Variants in SMARCA2 observed in about 807,000 individuals in gnomAD.
SMARCA2 encodes SWI/SNF-related matrix-associated actin-dependent regulator of chromatin subfamily A member 2.
SMARCA2 carries 61 observed loss-of-function variants against 199.8 expected under a neutral mutation model. The observed-to-expected ratio is 0.31, with a 90% CI of 0.25 to 0.38. The LOEUF is 0.38. Ranked by LOEUF, SMARCA2 falls within the 10% of genes least tolerant of loss-of-function variation. The probability of loss-of-function intolerance (pLI) is 1.00; values close to 1 mark genes in which losing one functional copy is unlikely to be tolerated. For synonymous variants in SMARCA2, 935 were observed against 732.0 expected (o/e 1.28, Z -4.48); for missense variants, 1,344 against 2,012.2 (o/e 0.67, Z 6.35).
At chr9:2,167,650 A>G (rs1251260380) in intron 28 of SMARCA2, among the ~76,000 whole-genome samples, 2 of 152,330 alleles carry the variant, frequency 1.3e-5, no homozygotes, top group East Asian at 3.9e-4. Flanking sequence ...TCTTGCCCCT[A>G]AATTTAATAA....
chr9:2,097,256 A>G, intron 20 of SMARCA2, 129 bp from the exon 21 acceptor site: 2 of 592,528 alleles, frequency 3.4e-6, no homozygotes, highest in East Asian at 5.5e-5. Flanking sequence ...GCTTTGAACC[A>G]CAAGGTGTGT....
At chr9:2,176,334 C>G (rs953009738) in intron 29 of SMARCA2, among the ~76,000 whole-genome samples, 5 of 152,032 alleles carry the variant, frequency 3.3e-5, no homozygotes, top group African/African-American at 1.2e-4. Context: ...GTAATCCTGT[C>G]ATGAACATCT....
chr9:2,035,410 G>C (rs925208451), intron 3 of SMARCA2, among the ~76,000 whole-genome samples: 9 of 152,192 alleles, frequency 5.9e-5, no homozygotes, highest in African/African-American at 1.9e-4. Context: ...GAAGCCAGGT[G>C]CTTACTTTTT....
At chr9:2,159,161 C>T (rs1171443014) in intron 27 of SMARCA2, among the ~76,000 whole-genome samples, 1 of 152,182 alleles carries the variant, frequency 6.6e-6, no homozygotes, top group Non-Finnish European at 1.5e-5. Flanking sequence ...TATGCTTTTT[C>T]CCTCTTTTCA....
In SMARCA2 at chr9:2,170,540, A is replaced by G; in HGVS notation, c.4253+68A>G. The stretch of plus-strand genomic sequence containing the variant: ...TCCCTCGTTACGTGAAACAGATTGA[A>G]TCATATAATCGGCCTTTGGAAGCAA... On this transcript the variant is annotated intron_variant, in intron 29 of 33. Transcript: ENST00000349721. The surrounding 1 kb of genome is among the most constrained non-coding windows in gnomAD (Gnocchi z 4.7). The G allele has an allele frequency of 3.7e-6, 6 of 1,611,464 alleles. No individual in the cohort carries two copies. The highest frequency in any genetic ancestry group is 5.1e-6 in the Non-Finnish European group (6 of 1,178,424).
chr9:2,039,797 GCAGCAGCAGCAGCAGCAGCAA>G lies in SMARCA2; in HGVS notation c.695_715del (p.Gln232_Gln238del), dbSNP rs774133062. On this transcript the variant is annotated inframe_deletion, in exon 4 of 34. Transcript: ENST00000349721. This position sits in a 1 kb window ranked among gnomAD's most constrained non-coding sequence, Gnocchi z 4.8. ...AGCAACAGCAGCAGCAGCAGCAGCA[GCAGCAGCAGCAGCAGCAGCAA>G]CAGCAGCCGCAGCAGCAGCCGCCGC... 6.9e-6 allele frequency: 11 copies of G among 1,602,154 alleles called. No homozygotes were observed. Among genetic ancestry groups the G allele is most frequent in the South Asian group, 1.1e-5 (1 of 90,276 alleles).
In SMARCA2 at chr9:2,104,297, G is replaced by C; in HGVS notation, c.3292+128G>C. On this transcript the variant is annotated intron_variant, in intron 23 of 33. Coordinates refer to ENST00000349721, the MANE Select transcript of SMARCA2 (RefSeq NM_003070.5). This position sits in a 1 kb window ranked among gnomAD's most constrained non-coding sequence, Gnocchi z 4.0. ...GAATTGACTAGAAGCATTGGGAGCAGTTTTTCTAGATAGCAATTTTTTGCA... is the reference window on the plus strand; with the variant it reads ...GAATTGACTAGAAGCATTGGGAGCACTTTTTCTAGATAGCAATTTTTTGCA... 1 of 840,440 alleles carries C rather than the reference G, an allele frequency of 1.2e-6. No homozygotes were observed. The highest frequency in any genetic ancestry group is 1.8e-6 in the Non-Finnish European group (1 of 554,216). 52.1% of individuals were successfully genotyped at this position (840,440 alleles called of 1,614,324 possible).
At position 2,096,551 on chromosome 9, in the gene SMARCA2, G is replaced by A. The variant is rs186498068; in HGVS notation, c.2884-106G>A. The stretch of plus-strand genomic sequence containing the variant: ...ACTCCGTGAATCCAAGAAAGAGAAA[G>A]AGAGACACCTTTGTGCTTCCAGGAG... On this transcript the variant is annotated intron_variant, in intron 19 of 33. Coordinates refer to ENST00000349721, the MANE Select transcript of SMARCA2 (RefSeq NM_003070.5). 319 of 723,026 alleles carry A rather than the reference G, an allele frequency of 4.4e-4. 3 individuals are homozygous for A. Among genetic ancestry groups the A allele is most frequent in the South Asian group, 4.0e-3 (255 of 63,108 alleles). 44.8% of individuals were successfully genotyped at this position (723,026 alleles called of 1,614,324 possible). A position where few individuals can be genotyped will look rare whatever the true frequency, so the allele number is the denominator to read the frequency against.
intron 27 of SMARCA2, among the ~76,000 whole-genome samples, chr9:2,149,098 TGG>T: frequency 6.6e-6 from 1 of 151,074 alleles, no homozygotes; most frequent in African/African-American, 2.4e-5. Context: ...TACCTGAGAC[TGG>T]GAAGAAAAGG....
intron 31 of SMARCA2, among the ~76,000 whole-genome samples, chr9:2,184,618 G>A (rs1356923522): frequency 6.6e-6 from 1 of 152,008 alleles, no homozygotes; most frequent in African/African-American, 2.4e-5. Context: ...CTCCTAAAGT[G>A]CTAGGATTAC....
Position 2,169,297 on chromosome 9 carries a change from C to T in SMARCA2, c.4200-1122C>T, listed in dbSNP as rs1056932656. Among the ~76,000 whole-genome samples the T allele has an allele frequency of 6.6e-6, 1 of 152,136 alleles. No homozygotes were observed. Among genetic ancestry groups the T allele is most frequent in the African/African-American group, 2.4e-5 (1 of 41,418 alleles). On this transcript the variant is annotated intron_variant, in intron 28 of 33. Coordinates refer to ENST00000349721, the MANE Select transcript of SMARCA2 (RefSeq NM_003070.5). This position sits in a 1 kb window ranked among gnomAD's most constrained non-coding sequence, Gnocchi z 6.5. ...CTTCTTTCTGAGGCACCTAACTTGT[C>T]ATTTCATATTGTAACTTTAGAACTC...
At chr9:2,020,311 G>A (rs932843942) in intron 1 of SMARCA2, among the ~76,000 whole-genome samples, 3 of 152,026 alleles carry the variant, frequency 2.0e-5, no homozygotes, top group Non-Finnish European at 4.4e-5. Context: ...GCCAATAGAG[G>A]ATGTGAATTT....
In SMARCA2 at chr9:2,115,326, A is replaced by G. The variant is rs1325733352; in HGVS notation, c.3457-496A>G. Among the ~76,000 whole-genome samples, 1 of 152,156 alleles carries G rather than the reference A, an allele frequency of 6.6e-6. No homozygotes were observed. Among genetic ancestry groups the G allele is most frequent in the Non-Finnish European group, 1.5e-5 (1 of 68,024 alleles). On this transcript the variant is annotated intron_variant, in intron 24 of 33. Transcript: ENST00000349721. The surrounding 1 kb of genome is among the most constrained non-coding windows in gnomAD (Gnocchi z 6.0). ...GTTCGAGGAAATTGACTACCTGAGCAGTCAGTGTGTGTGTATGTGTGTGTG... is the reference window on the plus strand; with the variant it reads ...GTTCGAGGAAATTGACTACCTGAGCGGTCAGTGTGTGTGTATGTGTGTGTG...
chr9:2,178,055 A>ATTAAATCTC (rs1400834922), intron 29 of SMARCA2, among the ~76,000 whole-genome samples: 1 of 149,514 alleles, frequency 6.7e-6, no homozygotes, highest in African/African-American at 2.5e-5. Flanking sequence ...AGCATAACAA[A>ATTAAATCTC]TTAAATCTCA....
Position 2,115,968 on chromosome 9 carries a change from G to A in SMARCA2, c.3603G>A (p.Ala1201=). 2 of 1,614,132 alleles carry A rather than the reference G, an allele frequency of 1.2e-6. No homozygotes were observed. The highest frequency in any genetic ancestry group is 1.1e-5 in the South Asian group (1 of 91,078). ...KLNVDQKVIQ[A]GMFDQKSSSH... ...ACGTGGATCAGAAAGTGATCCAGGC[G>A]GGCATGTTTGACCAAAAGTCTTCAA... Residue 1201 remains alanine, a synonymous_variant, in exon 25 of 34, where the codon GCG becomes GCA. Transcript: ENST00000349721. The surrounding 1 kb of genome is among the most constrained non-coding windows in gnomAD (Gnocchi z 6.0).
Position 2,047,289 on chromosome 9 carries a change from G to A in SMARCA2, c.851G>A (p.Gly284Asp). Reference sequence around the variant, plus strand: ...CAGAAGCTGCCGGTGCCCGCGCCCGGCGGCCGGCCCTCGCCCGCGCCCCCC... The same window carrying A: ...CAGAAGCTGCCGGTGCCCGCGCCCGACGGCCGGCCCTCGCCCGCGCCCCCC... ...TPQKLPVPAP[G>D]GRPSPAPPAA... The change falls in exon 5 of 34, where the codon GGC becomes GAC. Residue 284 changes from glycine (G) to aspartate (D), a missense_variant. Transcript: ENST00000349721. The A allele has an allele frequency of 2.0e-6, 2 of 989,448 alleles. No homozygotes were observed. Among genetic ancestry groups the A allele is most frequent in the Non-Finnish European group, 2.4e-6 (2 of 834,206 alleles). 61.3% of individuals were successfully genotyped at this position (989,448 alleles called of 1,614,324 possible). A position where few individuals can be genotyped will look rare whatever the true frequency, so the allele number is the denominator to read the frequency against.
chr9:2,045,321 T>C (rs895978203), intron 4 of SMARCA2: 5 of 152,218 alleles, frequency 3.3e-5, no homozygotes, highest in African/African-American at 1.2e-4. Context: ...CTTGAGCTTC[T>C]TAAGGAGAGT....
At chr9:2,155,503 G>A (rs1046399558) in intron 27 of SMARCA2, among the ~76,000 whole-genome samples, 4 of 152,000 alleles carry the variant, frequency 2.6e-5, no homozygotes, top group African/African-American at 7.2e-5. Context: ...GGCTGGTCTC[G>A]AACTCCTGAC....
At chr9:2,059,737 C>T (rs369410566) in intron 8 of SMARCA2, among the ~76,000 whole-genome samples, 2 of 152,190 alleles carry the variant, frequency 1.3e-5, no homozygotes, top group South Asian at 2.1e-4. Context: ...ACAGGGCAGA[C>T]GGCAGCTAGA....
Sources: gnomAD v4.1 joint callset for allele counts (sites outside exome capture counted in the v4.1 genomes callset) on GRCh38, gnomAD v4.1.1 for gene constraint, Gnocchi (gnomAD v3.1) non-coding constraint, MANE v1.5 for transcripts, NCBI Gene and HGNC (gene_info 2026-07-23, HGNC 2026-07-21) for gene names.